Variants in ATP6V1B2 observed in about 807,000 individuals in gnomAD.
ATP6V1B2 encodes ATPase H+ transporting V1 subunit B2.
Under a neutral mutation model 66.7 loss-of-function variants are expected in ATP6V1B2, and 23 were observed. The observed-to-expected ratio is 0.34, with a 90% CI of 0.25 to 0.49. The LOEUF is 0.49. Ranked by LOEUF, ATP6V1B2 falls within the 20% of genes least tolerant of loss-of-function variation. The probability of loss-of-function intolerance (pLI) is 0.99; values close to 1 mark genes in which losing one functional copy is unlikely to be tolerated. For synonymous variants in ATP6V1B2, 278 were observed against 236.7 expected (o/e 1.17, Z -1.60); for missense variants, 478 against 650.8 (o/e 0.73, Z 2.89).
In ATP6V1B2 at chr8:20,220,549, G is replaced by T; in HGVS notation, c.*147G>T. 1 of 1,180,664 alleles carries T rather than the reference G, an allele frequency of 8.5e-7. No homozygotes were observed. Among genetic ancestry groups the T allele is most frequent in the Non-Finnish European group, 1.1e-6 (1 of 890,204 alleles). The allele number at this position is 1,180,664 out of a possible 1,614,324, so 73.1% of individuals were successfully genotyped here. ...AAAGAATAGGTAACATATTGTGCCAGTGTTGCAACGTTTTAAACTGCTAAC... is the reference window on the plus strand; with the variant it reads ...AAAGAATAGGTAACATATTGTGCCATTGTTGCAACGTTTTAAACTGCTAAC... On this transcript the variant is annotated 3_prime_UTR_variant, in exon 14 of 14. Transcript: ENST00000276390.
Position 20,220,706 on chromosome 8 carries a change from T to C in ATP6V1B2, c.*304T>C, listed in dbSNP as rs530499329. On this transcript the variant is annotated 3_prime_UTR_variant, in exon 14 of 14. Coordinates refer to ENST00000276390, the MANE Select transcript of ATP6V1B2 (RefSeq NM_001693.4). ...GTTAGTTACCTGATAACAGTCTTGTTATTTGGGTCTCTTAGACCTTACCTC... is the reference window on the plus strand; with the variant it reads ...GTTAGTTACCTGATAACAGTCTTGTCATTTGGGTCTCTTAGACCTTACCTC... The C allele has an allele frequency of 1.7e-4, 39 of 224,690 alleles. No homozygotes were observed. The highest frequency in any genetic ancestry group is 1.4e-3 in the Middle Eastern group (1 of 738). 13.9% of individuals were successfully genotyped at this position (224,690 alleles called of 1,614,324 possible). A position where few individuals can be genotyped will look rare whatever the true frequency, so the allele number is the denominator to read the frequency against.
In ATP6V1B2 at chr8:20,218,140, T is replaced by C. The variant is rs907898099; in HGVS notation, c.1267-13T>C. The C allele has an allele frequency of 5.6e-6, 9 of 1,611,410 alleles. No homozygotes were observed. Among genetic ancestry groups the C allele is most frequent in the Non-Finnish European group, 6.8e-6 (8 of 1,178,620 alleles). ...AGCTTCTCTCTGCTGATGGGTGCCT[T>C]TCTTCTCTTTAGTATGCGTGCTATG... is the stretch of plus-strand genomic sequence containing the variant. On this transcript the variant is annotated splice_polypyrimidine_tract_variant and intron_variant, in intron 12 of 13. Coordinates refer to ENST00000276390, the MANE Select transcript of ATP6V1B2 (RefSeq NM_001693.4).
intron 2 of ATP6V1B2, 120 bp from the exon 3 acceptor site, chr8:20,209,311 CTG>C (rs1739152654): frequency 1.1e-6 from 1 of 926,246 alleles, no homozygotes; most frequent in African/African-American, 1.7e-5. Context: ...CAGCAAAAAC[CTG>C]TGTCTGTGAA....
At chr8:20,206,318 C>A (rs1585247816) in intron 2 of ATP6V1B2, among the ~76,000 whole-genome samples, 1 of 152,084 alleles carries the variant, frequency 6.6e-6, no homozygotes, top group South Asian at 2.1e-4. Flanking sequence ...GTGTGTACCC[C>A]ATAGGTTAAG....
At chr8:20,198,408 A>AT (rs1180358214) in intron 1 of ATP6V1B2, among the ~76,000 whole-genome samples, 2 of 152,188 alleles carry the variant, frequency 1.3e-5, no homozygotes, top group African/African-American at 2.4e-5. Context: ...AAATGTTGTG[A>AT]TTTTTTAAAT....
rs1426793695 is a variant in ATP6V1B2, at chr8:20,211,169, T to C, written c.464-8T>C. 2 of 1,600,974 alleles carry C rather than the reference T, an allele frequency of 1.2e-6. No homozygotes were observed. Among genetic ancestry groups the C allele is most frequent in the African/African-American group, 2.7e-5 (2 of 74,142 alleles). ...TTGTTGAAATTTTCCTTTTTGGAAATACATTAGGTCAGCCAATCAACCCTC... is the reference window on the plus strand; with the variant it reads ...TTGTTGAAATTTTCCTTTTTGGAAACACATTAGGTCAGCCAATCAACCCTC... On this transcript the variant is annotated splice_polypyrimidine_tract_variant and splice_region_variant and intron_variant, in intron 5 of 13. Coordinates refer to ENST00000276390, the MANE Select transcript of ATP6V1B2 (RefSeq NM_001693.4).
rs765674821 is a variant in ATP6V1B2 at position 20,211,375 on chromosome 8, C to T, written c.603+59C>T. On this transcript the variant is annotated intron_variant, in intron 6 of 13. Transcript: ENST00000276390. ...GCAGACAAGAATTTCTATAATGCAT[C>T]ACTGTTACTGAGAAACCGAATAAAG... 2.5e-6 allele frequency: 4 copies of T among 1,579,522 alleles called. No homozygotes were observed. The South Asian group carries it at 4.6e-5, about 18-fold the overall frequency.
chr8:20,202,873 C>T (rs974484984), intron 1 of ATP6V1B2, among the ~76,000 whole-genome samples: 4 of 152,162 alleles, frequency 2.6e-5, no homozygotes, highest in Non-Finnish European at 5.9e-5. Context: ...GAAAGGTCTA[C>T]GTTTCTGCAT....
chr8:20,216,962 G>T, intron 11 of ATP6V1B2: 1 of 400,596 alleles, frequency 2.5e-6, no homozygotes, highest in Non-Finnish European at 4.5e-6. Context: ...GTTGAAAGTT[G>T]AGTTTTTTAA....
At chr8:20,197,621 C>T (rs571040709) in intron 1 of ATP6V1B2, 79 bp downstream of exon 1, 3 of 1,286,412 alleles carry the variant, frequency 2.3e-6, no homozygotes, top group Non-Finnish European at 3.0e-6. Flanking sequence ...GCTTAGCCAG[C>T]GGGTAGGGGG....
chr8:20,211,150 A>T, intron 5 of ATP6V1B2, 27 bp from the exon 6 acceptor site: 1 of 1,594,942 alleles, frequency 6.3e-7, no homozygotes, highest in East Asian at 2.3e-5. Context: ...CAACTTGTTG[A>T]AATTTTCCTT....
At chr8:20,199,129 G>A (rs117853493) in intron 1 of ATP6V1B2, among the ~76,000 whole-genome samples, 1,695 of 152,312 alleles carry the variant, frequency 0.011, 23 homozygotes, top group Non-Finnish European at 0.015. Flanking sequence ...AGTACTCCAT[G>A]ATTAAGATTG....
At chr8:20,204,118 A>G (rs1391290350) in intron 1 of ATP6V1B2, 1 of 420,604 alleles carries the variant, frequency 2.4e-6, no homozygotes, top group Non-Finnish European at 4.7e-6. Context: ...CTGTGCTCCC[A>G]CAAACCCTGT....
intron 1 of ATP6V1B2, among the ~76,000 whole-genome samples, chr8:20,202,564 A>T (rs368921037): frequency 6.6e-6 from 1 of 152,204 alleles, no homozygotes; most frequent in African/African-American, 2.4e-5. Context: ...GTAGATGTCA[A>T]TTTGAGTCAC....
intron 1 of ATP6V1B2, among the ~76,000 whole-genome samples, chr8:20,201,179 A>G (rs2072682452): frequency 6.6e-6 from 1 of 152,270 alleles, no homozygotes; most frequent in Non-Finnish European, 1.5e-5. Context: ...TAATATAAGC[A>G]TATATCTTCT....
At chr8:20,219,402 C>T (rs1200669254) in intron 13 of ATP6V1B2, among the ~76,000 whole-genome samples, 2 of 152,046 alleles carry the variant, frequency 1.3e-5, no homozygotes, top group Non-Finnish European at 2.9e-5. Context: ...ACTAAAAAAA[C>T]CTGTAGTGGT....
Position 20,211,184 on chromosome 8 carries a change from A to G in ATP6V1B2, c.471A>G (p.Pro157=). ...TTTTTGGAAATACATTAGGTCAGCC[A>G]ATCAACCCTCAATGTCGAATCTACC... ...AEDFLDIMGQ[P]INPQCRIYPE... Residue 157 remains proline (P), a synonymous_variant, in exon 6 of 14, where the codon CCA becomes CCG. Transcript: ENST00000276390. 3 of 1,612,132 alleles carry G rather than the reference A, an allele frequency of 1.9e-6. No homozygotes were observed. The highest frequency in any genetic ancestry group is 2.5e-6 in the Non-Finnish European group (3 of 1,179,458).
intron 1 of ATP6V1B2, among the ~76,000 whole-genome samples, chr8:20,202,546 C>A (rs1308120504): frequency 6.6e-6 from 1 of 152,158 alleles, no homozygotes; most frequent in Admixed American, 6.5e-5. Flanking sequence ...AGAATCTTGT[C>A]TTCTGTAGTA....
rs1211675097 is a variant in ATP6V1B2 at position 20,213,922 on chromosome 8, G to A, written c.928-896G>A. ...AATAAAATTGAGTTATTAGAAAAGTGAAATTTTAACTATATATATAATTTA... is the reference window on the plus strand; with the variant it reads ...AATAAAATTGAGTTATTAGAAAAGTAAAATTTTAACTATATATATAATTTA... On this transcript the variant is annotated intron_variant, in intron 9 of 13. Coordinates refer to ENST00000276390, the MANE Select transcript of ATP6V1B2 (RefSeq NM_001693.4). 16 of 152,120 alleles carry A rather than the reference G, an allele frequency of 1.1e-4. 1 individual carries two copies. Among genetic ancestry groups the A allele is most frequent in the Admixed American group, 1.0e-3 (16 of 15,270 alleles). The allele number at this position is 152,120 out of a possible 1,614,324, so 9.4% of individuals were successfully genotyped here. A position where few individuals can be genotyped will look rare whatever the true frequency, so the allele number is the denominator to read the frequency against.
Sources: allele counts gnomAD v4.1 joint callset (sites outside exome capture counted in the v4.1 genomes callset), GRCh38; gene constraint gnomAD v4.1.1; transcripts MANE v1.5; gene names NCBI Gene and HGNC (gene_info 2026-07-23, HGNC 2026-07-21).